Variants in USP3 observed in about 807,000 individuals in gnomAD.
USP3 encodes the protein ubiquitin carboxyl-terminal hydrolase 3.
A neutral mutation model predicts 72.3 loss-of-function variants in USP3; 20 were observed. The observed-to-expected ratio is 0.28, with a 90% CI of 0.19 to 0.40. The LOEUF (loss-of-function observed/expected upper bound fraction) is 0.40, where lower values mean the gene tolerates loss of function less well. Among genes scored for constraint, USP3 ranks in the 10% least tolerant of loss-of-function variants. USP3 has a pLI of 1.00. For synonymous variants in USP3, 222 were observed against 225.3 expected (o/e 0.99, Z 0.13); for missense variants, 479 against 633.9 (o/e 0.76, Z 2.62).
intron 14 of USP3, among the ~76,000 whole-genome samples, chr15:63,589,464 T>C (rs1046084588): frequency 2.0e-5 from 3 of 152,208 alleles, no homozygotes; most frequent in African/African-American, 7.2e-5. Flanking sequence ...CTATTTTACC[T>C]TCAAACTTAA....
chr15:63,584,688 C>A (rs1459342407), intron 11 of USP3, among the ~76,000 whole-genome samples: 1 of 152,090 alleles, frequency 6.6e-6, no homozygotes, highest in Admixed American at 6.5e-5. Flanking sequence ...TATCCAGATA[C>A]ATAATTTGCA....
chr15:63,551,676 C>T lies in USP3; in HGVS notation c.285-2039C>T, dbSNP rs142743762. ...TTTAATAATAAAAGCAAAAGACAATCCTACCAAACTATAACATTGTGCTTA... is the reference window on the plus strand; with the variant it reads ...TTTAATAATAAAAGCAAAAGACAATTCTACCAAACTATAACATTGTGCTTA... On this transcript the variant is annotated intron_variant, in intron 3 of 14. Transcript: ENST00000380324. Among the ~76,000 whole-genome samples the T allele has an allele frequency of 1.6e-3, 250 of 152,284 alleles. 2 individuals are homozygous for T. Among genetic ancestry groups the T allele is most frequent in the African/African-American group, 5.8e-3 (239 of 41,550 alleles).
At position 63,588,682 on chromosome 15, in the gene USP3, A is replaced by G; in HGVS notation, c.1216-20A>G. ...GTAAATTAGGTGTTCACAATCTTTG[A>G]CCGCATCTCTGTCCTCCAGGTGCTA... On this transcript the variant is annotated intron_variant, in intron 12 of 14. Transcript: ENST00000380324. This position sits in a 1 kb window ranked among gnomAD's most constrained non-coding sequence, Gnocchi z 4.6. 1 of 1,567,266 alleles carries G rather than the reference A, an allele frequency of 6.4e-7. No homozygotes were observed. Among genetic ancestry groups the G allele is most frequent in the Non-Finnish European group, 8.8e-7 (1 of 1,139,972 alleles).
intron 5 of USP3, among the ~76,000 whole-genome samples, chr15:63,557,686 G>A (rs866640036): frequency 6.6e-6 from 1 of 152,220 alleles, no homozygotes; most frequent in African/African-American, 2.4e-5. Flanking sequence ...GGTCGTTTAT[G>A]TATGGCTTAG....
chr15:63,583,126 G>C (rs932634379), intron 11 of USP3, among the ~76,000 whole-genome samples: 1 of 152,160 alleles, frequency 6.6e-6, no homozygotes, highest in African/African-American at 2.4e-5. Flanking sequence ...GGGGGAAAAA[G>C]GCTTCTCTGC....
intron 3 of USP3, among the ~76,000 whole-genome samples, chr15:63,539,987 G>A (rs188764803): frequency 4.6e-5 from 7 of 152,286 alleles, no homozygotes; most frequent in Admixed American, 6.5e-5. Flanking sequence ...CCTCGTGCCC[G>A]TTAGTAATTT....
At chr15:63,573,485 A>G (rs1595762482) in intron 9 of USP3, among the ~76,000 whole-genome samples, 1 of 152,364 alleles carries the variant, frequency 6.6e-6, no homozygotes, top group East Asian at 1.9e-4. Context: ...CCGCAGTAAT[A>G]TCCAGAATTT....
intron 2 of USP3, among the ~76,000 whole-genome samples, chr15:63,536,169 G>C (rs2066152111): frequency 6.6e-6 from 1 of 152,182 alleles, no homozygotes. Flanking sequence ...TGTCCATGTA[G>C]AGAAATAGCA....
At chr15:63,577,738 G>A (rs1024381825) in intron 11 of USP3, among the ~76,000 whole-genome samples, 33 of 151,890 alleles carry the variant, frequency 2.2e-4, no homozygotes, top group Admixed American at 1.8e-3. Flanking sequence ...GTGACAGAGC[G>A]AGACTCCGTC....
At chr15:63,566,688 A>G (rs974816139) in intron 8 of USP3, among the ~76,000 whole-genome samples, 4 of 152,206 alleles carry the variant, frequency 2.6e-5, no homozygotes, top group African/African-American at 9.7e-5. Context: ...TTAAAATACT[A>G]TGCTATTGAT....
At position 63,550,505 on chromosome 15, in the gene USP3, A is replaced by G. The variant is rs138751648; in HGVS notation, c.285-3210A>G. Among the ~76,000 whole-genome samples, 631 of 152,368 alleles carry G rather than the reference A, an allele frequency of 4.1e-3. 29 individuals carry two copies. In the East Asian group the frequency reaches 0.098, roughly 24 times the overall value. ...TTACAGATGTAGAGAATTCAAAAAT[A>G]TCTACAACATAAGATCAGTTTTTAA... On this transcript the variant is annotated intron_variant, in intron 3 of 14. Coordinates refer to ENST00000380324, the MANE Select transcript of USP3 (RefSeq NM_006537.4).
At chr15:63,532,456 A>C in intron 1 of USP3, 191 bp from the exon 2 acceptor site, 2 of 640,948 alleles carry the variant, frequency 3.1e-6, no homozygotes, top group Non-Finnish European at 5.5e-6. Context: ...TGTTGTGGAC[A>C]TGCATTTAAA....
chr15:63,579,831 AGT>A (rs1419317369), intron 11 of USP3, among the ~76,000 whole-genome samples: 1 of 152,204 alleles, frequency 6.6e-6, no homozygotes, highest in Non-Finnish European at 1.5e-5. Context: ...ACATCTAAAA[AGT>A]GTTAATCCTC....
chr15:63,542,523 A>G lies in USP3; in HGVS notation c.284+5367A>G, dbSNP rs142900122. Among the ~76,000 whole-genome samples the G allele has an allele frequency of 2.9e-4, 44 of 152,186 alleles. No individual in the cohort carries two copies. The East Asian group carries it at 8.5e-3, about 29-fold the overall frequency. On this transcript the variant is annotated intron_variant, in intron 3 of 14. Transcript: ENST00000380324. The stretch of plus-strand genomic sequence containing the variant: ...CAAATCTAACCCAGTAAGCTATCAA[A>G]AAGAAAAATTATATAATTACCAAGT...
chr15:63,589,080 T>C (rs1373649377), intron 14 of USP3, 69 bp downstream of exon 14: 10 of 1,545,958 alleles, frequency 6.5e-6, no homozygotes, highest in Non-Finnish European at 8.0e-6. Context: ...TGCAGTTTTG[T>C]ACCACTCTTG....
In USP3 at chr15:63,544,890, C is replaced by CTAAGTATAGCTATGGAATTGATATA. The variant is rs2066297819; in HGVS notation, c.284+7734_284+7735insTAAGTATAGCTATGGAATTGATATA. ...TCAAATACTATACTTAGTTCAGTTA[C>CTAAGTATAGCTATGGAATTGATATA]AGATAGCTATGGAATTGAAAGTTTC... is the stretch of plus-strand genomic sequence containing the variant. On this transcript the variant is annotated intron_variant, in intron 3 of 14. Transcript: ENST00000380324. The surrounding 1 kb of genome is among the most constrained non-coding windows in gnomAD (Gnocchi z 4.2). 6.6e-6 allele frequency among the ~76,000 whole-genome samples: 1 copy of CTAAGTATAGCTATGGAATTGATATA among 151,904 alleles called. No homozygotes were observed. Among genetic ancestry groups the CTAAGTATAGCTATGGAATTGATATA allele is most frequent in the South Asian group, 2.1e-4 (1 of 4,820 alleles).
chr15:63,538,481 T>C (rs1462425723), intron 3 of USP3, among the ~76,000 whole-genome samples: 2 of 152,038 alleles, frequency 1.3e-5, no homozygotes, highest in Non-Finnish European at 2.9e-5. Flanking sequence ...CCTTAGTCGA[T>C]AATTGTATGA....
rs183973431 is a variant in USP3 at position 63,527,339 on chromosome 15, C to T, written c.92-5308C>T. Among the ~76,000 whole-genome samples the T allele has an allele frequency of 1.2e-4, 18 of 152,320 alleles. No individual in the cohort carries two copies. The East Asian group carries it at 3.1e-3, about 26-fold the overall frequency. On this transcript the variant is annotated intron_variant, in intron 1 of 14. Coordinates refer to ENST00000380324, the MANE Select transcript of USP3 (RefSeq NM_006537.4). The stretch of plus-strand genomic sequence containing the variant: ...GTAGAGCCAGAACTAGAATCCCGGT[C>T]ATCTGATCCTCATCTTTCTGAATTC...
chr15:63,589,028 G>GCT lies in USP3; in HGVS notation c.1397+18_1397+19dup. 1 of 1,612,724 alleles carries GCT rather than the reference G, an allele frequency of 6.2e-7. No individual in the cohort carries two copies. On this transcript the variant is annotated intron_variant, in intron 14 of 14. Transcript: ENST00000380324. ...TGGTTCCGGGTGAGTACAACAGCCA[G>GCT]CTTCTGGTGGGTGGGAATACCTGGT...
Sources: gnomAD v4.1 joint callset for allele counts (sites outside exome capture counted in the v4.1 genomes callset) on GRCh38, gnomAD v4.1.1 for gene constraint, Gnocchi (gnomAD v3.1) non-coding constraint, MANE v1.5 for transcripts, NCBI Gene and HGNC (gene_info 2026-07-23, HGNC 2026-07-21) for gene names.